COL12A1: variants seen among roughly 807,000 people sequenced by gnomAD.
The protein encoded by COL12A1 is collagen alpha-1(XII) chain.
In COL12A1, 114 loss-of-function variants were observed where a neutral mutation model predicts 349.7. The ratio of observed to expected loss-of-function variants is 0.33; its 90% CI spans 0.28 to 0.38. The LOEUF is 0.38. Among genes scored for constraint, COL12A1 ranks in the 10% least tolerant of loss-of-function variants. The pLI is 1.00. For missense variants in COL12A1, 3,284 were observed against 3,756.9 expected, an observed-to-expected ratio of 0.87 and a Z score of 3.29; for synonymous variants, 1,369 against 1,329.0, an observed-to-expected ratio of 1.03 and a Z score of -0.66.
chr6:75,096,895 C>CAAAAAA (rs35243223), intron 59 of COL12A1, among the ~76,000 whole-genome samples: 12 of 73,260 alleles, frequency 1.6e-4, no homozygotes, highest in East Asian at 1.1e-3. Flanking sequence ...GACTCCGTCT[C>CAAAAAA]AAAAAAAAAA....
intron 21 of COL12A1, 150 bp from the exon 22 acceptor site, chr6:75,148,647 A>T (rs1240100892): frequency 3.0e-6 from 2 of 667,752 alleles, no homozygotes; most frequent in African/African-American, 3.7e-5. Context: ...AATCTGTATT[A>T]GAGGCTCATC....
At chr6:75,098,292 G>A (rs919507441) in intron 58 of COL12A1, among the ~76,000 whole-genome samples, 1 of 152,186 alleles carries the variant, frequency 6.6e-6, no homozygotes, top group Non-Finnish European at 1.5e-5. Context: ...CTGAGCAACT[G>A]TCAGACAGTT....
intron 31 of COL12A1, among the ~76,000 whole-genome samples, chr6:75,136,485 T>C (rs1399803909): frequency 6.6e-6 from 1 of 152,112 alleles, no homozygotes; most frequent in Non-Finnish European, 1.5e-5. Flanking sequence ...ACCACACACC[T>C]TAGATTAATG....
At chr6:75,134,907 T>C in intron 31 of COL12A1, 52 bp from the exon 32 acceptor site, 1 of 1,566,758 alleles carries the variant, frequency 6.4e-7, no homozygotes, top group Non-Finnish European at 8.7e-7. Flanking sequence ...TCCATCTCAC[T>C]AATCTGTTAG....
At position 75,146,089 on chromosome 6, in the gene COL12A1, A is replaced by G; in HGVS notation, c.4560+13T>C. ...TGGGAAGACCCAATGTTAAAGAAACAAACATCTTTCACCTCTTTGGGTCTT... is the reference window on the plus strand; with the variant it reads ...TGGGAAGACCCAATGTTAAAGAAACGAACATCTTTCACCTCTTTGGGTCTT... On this transcript the variant is annotated intron_variant, in intron 24 of 65. Coordinates refer to ENST00000322507, the MANE Select transcript of COL12A1 (RefSeq NM_004370.6). The G allele has an allele frequency of 1.3e-6, 2 of 1,579,788 alleles. No individual in the cohort carries two copies. Among genetic ancestry groups the G allele is most frequent in the Non-Finnish European group, 1.7e-6 (2 of 1,165,476 alleles).
chr6:75,106,362 G>A, intron 53 of COL12A1, 57 bp downstream of exon 53: 2 of 1,417,222 alleles, frequency 1.4e-6, no homozygotes, highest in Non-Finnish European at 2.0e-6. Context: ...CAGGCACAAG[G>A]GTTTATTACT....
rs1767726694 is a variant in COL12A1 at position 75,155,839 on chromosome 6, G to C, written c.3266C>G (p.Ser1089Cys). Residue 1089 changes from serine to cysteine, a missense_variant, in exon 16 of 66, where the codon TCT becomes TGT. Coordinates refer to ENST00000322507, the MANE Select transcript of COL12A1 (RefSeq NM_004370.6). ...GSGTTASRFK[S>C]PRNLKTSDPT... The stretch of plus-strand genomic sequence containing the variant: ...GTCAGATGTTTTGAGGTTTCTAGGA[G>C]ACTTAAACCGAGAAGCTGTAAAGAC... 6.3e-7 allele frequency: 1 copy of C among 1,599,158 alleles called. No homozygotes were observed.
chr6:75,137,622 A>G, intron 30 of COL12A1, 43 bp from the exon 31 acceptor site: 3 of 1,608,644 alleles, frequency 1.9e-6, no homozygotes, highest in Non-Finnish European at 2.5e-6. Context: ...AGACAGAACA[A>G]TGCCTCCCCC....
chr6:75,102,698 A>AT lies in COL12A1; in HGVS notation c.8320-7dup. Reference sequence around the variant, plus strand: ...CCACGAGGACCAGGGGGCCCCTAAAATACACAAGAGAGAGACAACCACAAA... The same window carrying AT: ...CCACGAGGACCAGGGGGCCCCTAAAATTACACAAGAGAGAGACAACCACAAA... On this transcript the variant is annotated splice_region_variant and splice_polypyrimidine_tract_variant and intron_variant, in intron 55 of 65. Coordinates refer to ENST00000322507, the MANE Select transcript of COL12A1 (RefSeq NM_004370.6). 6.5e-7 allele frequency: 1 copy of AT among 1,538,588 alleles called. No individual in the cohort carries two copies. Among genetic ancestry groups the AT allele is most frequent in the Non-Finnish European group, 8.7e-7 (1 of 1,147,326 alleles).
chr6:75,188,704 T>C (rs1562307804), intron 7 of COL12A1, among the ~76,000 whole-genome samples, 169 bp from the exon 8 acceptor site: 3 of 152,130 alleles, frequency 2.0e-5, no homozygotes, highest in Admixed American at 6.6e-5. Flanking sequence ...ACTGTGCAGA[T>C]GACAAAAACA....
chr6:75,177,698 C>A lies in COL12A1; in HGVS notation c.2402G>T (p.Gly801Val). The A allele has an allele frequency of 6.2e-7, 1 of 1,614,072 alleles. No homozygotes were observed. The highest frequency in any genetic ancestry group is 8.5e-7 in the Non-Finnish European group (1 of 1,180,018). ...GGCTGCATTTCCAGTTAATGGAGTA[C>A]CAGGTCCTGAGAAATATTCAGGAAT... ...SVIPEYFSGP[G>V]TPLTGNAATE... Residue 801 changes from glycine to valine, a missense_variant, in exon 12 of 66, where the codon GGT becomes GTT. This residue lies in a region of COL12A1 where 2,601 missense variants were observed against 2,824.8 expected (regional missense o/e 0.92). Coordinates refer to ENST00000322507, the MANE Select transcript of COL12A1 (RefSeq NM_004370.6).
At chr6:75,119,962 A>G (rs982776275) in intron 44 of COL12A1, among the ~76,000 whole-genome samples, 1 of 152,232 alleles carries the variant, frequency 6.6e-6, no homozygotes, top group Non-Finnish European at 1.5e-5. Context: ...TGGAAAAAGT[A>G]CAGACTTTGT....
Position 75,165,902 on chromosome 6 carries a change from C to T in COL12A1, c.2711-123G>A, listed in dbSNP as rs1261757009. ...CTCACACTCAATTTGTCTAAAATTG[C>T]CCATTTCTTCTTTTTGAGTTGTCCA... On this transcript the variant is annotated intron_variant, in intron 13 of 65. Transcript: ENST00000322507. 4 of 931,606 alleles carry T rather than the reference C, an allele frequency of 4.3e-6. No individual in the cohort carries two copies. In the African/African-American group the frequency reaches 5.0e-5, roughly 12 times the overall value. The allele number at this position is 931,606 out of a possible 1,614,324, so 57.7% of individuals were successfully genotyped here.
chr6:75,177,633 G>T (rs753126062), intron 12 of COL12A1, 30 bp downstream of exon 12: 1 of 1,613,798 alleles, frequency 6.2e-7, no homozygotes, highest in Non-Finnish European at 8.5e-7. Context: ...GAGTTTGGTT[G>T]TCACCATATG....
chr6:75,202,328 G>A (rs546412481), intron 2 of COL12A1, among the ~76,000 whole-genome samples: 25 of 152,354 alleles, frequency 1.6e-4, no homozygotes, highest in African/African-American at 4.8e-4. Flanking sequence ...AGCCAAGCGA[G>A]CGAGTGCGCC....
At chr6:75,167,618 C>T (rs190760847) in intron 13 of COL12A1, among the ~76,000 whole-genome samples, 1 of 152,226 alleles carries the variant, frequency 6.6e-6, no homozygotes, top group Admixed American at 6.5e-5. Context: ...TCCATGACAA[C>T]AGACATCAAT....
intron 37 of COL12A1, among the ~76,000 whole-genome samples, chr6:75,128,980 C>G (rs1766162444): frequency 6.6e-6 from 1 of 152,196 alleles, no homozygotes; most frequent in African/African-American, 2.4e-5. Flanking sequence ...AGGAAATGAA[C>G]CAGACATCTC....
intron 2 of COL12A1, among the ~76,000 whole-genome samples, chr6:75,196,610 T>G (rs1258652434): frequency 6.6e-6 from 1 of 152,216 alleles, no homozygotes. Context: ...TCTTTAATCA[T>G]ATTTTGAGGT....
At chr6:75,197,357 G>A (rs1770284052) in intron 2 of COL12A1, among the ~76,000 whole-genome samples, 1 of 146,252 alleles carries the variant, frequency 6.8e-6, no homozygotes, top group Non-Finnish European at 1.5e-5. Flanking sequence ...TTGTTGCCCA[G>A]GCTGGAGTGC....
Sources: gnomAD v4.1 joint callset for allele counts (sites outside exome capture counted in the v4.1 genomes callset) on GRCh38, gnomAD v4.1.1 for gene constraint, gnomAD v4.1.1 regional missense constraint, MANE v1.5 for transcripts, NCBI Gene and HGNC (gene_info 2026-07-23, HGNC 2026-07-21) for gene names.